Variants in NWD2 observed in about 807,000 individuals in gnomAD.
NWD2 encodes NACHT and WD repeat domain containing 2.
NWD2 carries 37 observed loss-of-function variants against 132.7 expected under a neutral mutation model. That is an observed-to-expected ratio of 0.28 (90% CI 0.21 to 0.37). The LOEUF is 0.37. Among genes scored for constraint, NWD2 ranks in the 10% least tolerant of loss-of-function variants. The probability of loss-of-function intolerance (pLI) is 1.00; values close to 1 mark genes in which losing one functional copy is unlikely to be tolerated. For synonymous variants in NWD2, 705 were observed against 803.0 expected, an observed-to-expected ratio of 0.88 and a Z score of 2.06; for missense variants, 1,592 against 2,122.4, an observed-to-expected ratio of 0.75 and a Z score of 4.91.
intron 4 of NWD2, among the ~76,000 whole-genome samples, 180 bp from the exon 5 acceptor site, chr4:37,433,696 C>G (rs1299889954): frequency 6.6e-6 from 1 of 152,170 alleles, no homozygotes; most frequent in Non-Finnish European, 1.5e-5. Flanking sequence ...AGTTCACATG[C>G]AACACAGAAA....
At chr4:37,423,511 A>G (rs968496152) in intron 3 of NWD2, among the ~76,000 whole-genome samples, 2 of 152,190 alleles carry the variant, frequency 1.3e-5, no homozygotes, top group Non-Finnish European at 2.9e-5. Flanking sequence ...AAGGCCAAAG[A>G]AACAGGAGTG....
chr4:37,245,556 T>G (rs1387138043), intron 1 of NWD2, among the ~76,000 whole-genome samples: 1 of 151,756 alleles, frequency 6.6e-6, no homozygotes, highest in African/African-American at 2.4e-5. Context: ...GCCCTTTTTT[T>G]TTTTTTTAAA....
chr4:37,401,946 C>T (rs1720905505), intron 3 of NWD2, among the ~76,000 whole-genome samples: 1 of 152,224 alleles, frequency 6.6e-6, no homozygotes. Context: ...CTCCCAAATT[C>T]ATGCTGAAAT....
chr4:37,332,507 C>T (rs1719315587), intron 2 of NWD2, among the ~76,000 whole-genome samples: 1 of 149,282 alleles, frequency 6.7e-6, no homozygotes, highest in South Asian at 2.1e-4. Flanking sequence ...CACTTGCTGA[C>T]TAAAGAGCCA....
Position 37,446,643 on chromosome 4 carries a change from A to G in NWD2, c.4655A>G (p.Asp1552Gly). Residue 1552 changes from aspartate to glycine, a missense_variant, in exon 7 of 7, where the codon GAT becomes GGT. Around this residue, in one of 7 missense-constraint regions of NWD2, gnomAD observed 257 missense variants for 335.0 expected, o/e 0.77. Coordinates refer to ENST00000309447, the MANE Select transcript of NWD2 (RefSeq NM_001144990.2). The surrounding 1 kb of genome is among the most constrained non-coding windows in gnomAD (Gnocchi z 6.7). ...GGAGATGAAAACATCAATGTGCTAGATTTATACAGTGGTAAATTGCGGGTG... is the reference window on the plus strand; with the variant it reads ...GGAGATGAAAACATCAATGTGCTAGGTTTATACAGTGGTAAATTGCGGGTG... ...ARGDENINVLDLYSGKLRVVH... is the reference protein window; with the variant it reads ...ARGDENINVLGLYSGKLRVVH... 1.3e-6 allele frequency: 2 copies of G among 1,551,510 alleles called. No individual in the cohort carries two copies. Among genetic ancestry groups the G allele is most frequent in the South Asian group, 2.4e-5 (2 of 84,040 alleles).
intron 3 of NWD2, among the ~76,000 whole-genome samples, chr4:37,380,479 A>G (rs1369941558): frequency 2.0e-5 from 3 of 152,232 alleles, no homozygotes; most frequent in Admixed American, 6.5e-5. Context: ...TAAAGTTTGA[A>G]TAATATTAAA....
chr4:37,447,822 T>C lies in NWD2; in HGVS notation c.*605T>C, dbSNP rs1474375240. ...GACTGGGACAAGAACTAACTACCAC[T>C]ATCATAGGGCTACTGAACATGGAGA... On this transcript the variant is annotated 3_prime_UTR_variant, in exon 7 of 7. Coordinates refer to ENST00000309447, the MANE Select transcript of NWD2 (RefSeq NM_001144990.2). 1 of 152,692 alleles carries C rather than the reference T, an allele frequency of 6.5e-6. No individual in the cohort carries two copies. Among genetic ancestry groups the C allele is most frequent in the Non-Finnish European group, 1.5e-5 (1 of 68,408 alleles). 9.5% of individuals were successfully genotyped at this position (152,692 alleles called of 1,614,324 possible).
intron 2 of NWD2, among the ~76,000 whole-genome samples, chr4:37,344,444 G>A (rs1039786939): frequency 6.6e-6 from 1 of 152,082 alleles, no homozygotes; most frequent in African/African-American, 2.4e-5. Flanking sequence ...AGTTACTGAA[G>A]TAAGAAGACA....
At chr4:37,250,367 A>C (rs538639593) in intron 1 of NWD2, among the ~76,000 whole-genome samples, 66 of 152,332 alleles carry the variant, frequency 4.3e-4, no homozygotes, top group Non-Finnish European at 8.2e-4. Flanking sequence ...AGATACAGAT[A>C]TTTATAGCTA....
At position 37,437,578 on chromosome 4, in the gene NWD2, G is replaced by A. The variant is rs574292580; in HGVS notation, c.707-1223G>A. Among the ~76,000 whole-genome samples the A allele has an allele frequency of 2.0e-3, 303 of 152,238 alleles. 2 individuals carry two copies. The highest frequency in any genetic ancestry group is 6.9e-3 in the African/African-American group (287 of 41,540). On this transcript the variant is annotated intron_variant, in intron 5 of 6. Coordinates refer to ENST00000309447, the MANE Select transcript of NWD2 (RefSeq NM_001144990.2). ...TCCTAAGCGGCTGTCATCGTGCCTG[G>A]AATATAAAAGGTGTTCAATGAAGAG...
chr4:37,305,605 C>T (rs552604851), intron 1 of NWD2, among the ~76,000 whole-genome samples: 1 of 152,254 alleles, frequency 6.6e-6, no homozygotes, highest in Admixed American at 6.5e-5. Flanking sequence ...AGTCTTTCAT[C>T]TGTTGATGTA....
chr4:37,302,262 T>A (rs533720411), intron 1 of NWD2, among the ~76,000 whole-genome samples: 1 of 152,162 alleles, frequency 6.6e-6, no homozygotes, highest in South Asian at 2.1e-4. Flanking sequence ...TCCTCCAGGC[T>A]CACTCATGTT....
chr4:37,333,087 G>A lies in NWD2; in HGVS notation c.240+7063G>A, dbSNP rs114433269. ...TCAGCCACAGTAGAATAGAAGATCA[G>A]GTAGAATTCTGAGGTTTCCAACTCC... On this transcript the variant is annotated intron_variant, in intron 2 of 6. Transcript: ENST00000309447. 2.0e-3 allele frequency among the ~76,000 whole-genome samples: 309 copies of A among 152,268 alleles called. 2 individuals are homozygous for A. Among genetic ancestry groups the A allele is most frequent in the African/African-American group, 7.0e-3 (289 of 41,552 alleles).
chr4:37,267,528 G>A (rs1291810977), intron 1 of NWD2, among the ~76,000 whole-genome samples: 1 of 151,592 alleles, frequency 6.6e-6, no homozygotes, highest in Non-Finnish European at 1.5e-5. Context: ...TTTAGCAAAT[G>A]TAACATTTTT....
chr4:37,374,980 G>A (rs1720315590), intron 3 of NWD2, among the ~76,000 whole-genome samples: 1 of 152,196 alleles, frequency 6.6e-6, no homozygotes, highest in South Asian at 2.1e-4. Flanking sequence ...TGGTAACAAA[G>A]TTGTAACCAA....
At chr4:37,309,891 T>C (rs971982550) in intron 1 of NWD2, among the ~76,000 whole-genome samples, 1 of 152,248 alleles carries the variant, frequency 6.6e-6, no homozygotes, top group African/African-American at 2.4e-5. Flanking sequence ...CATGTAGTTA[T>C]CTGCTTATCA....
chr4:37,362,286 C>T (rs187746717), intron 3 of NWD2, among the ~76,000 whole-genome samples: 15 of 152,228 alleles, frequency 9.9e-5, no homozygotes, highest in East Asian at 5.8e-4. Flanking sequence ...AAACTACCAA[C>T]GTCATTTTTC....
chr4:37,376,874 T>C (rs1720358453), intron 3 of NWD2, among the ~76,000 whole-genome samples: 1 of 152,158 alleles, frequency 6.6e-6, no homozygotes, highest in Non-Finnish European at 1.5e-5. Context: ...CAGGAGGAAT[T>C]TTTATCTTTG....
intron 2 of NWD2, among the ~76,000 whole-genome samples, chr4:37,342,883 G>C (rs375394828): frequency 6.6e-5 from 10 of 152,092 alleles, no homozygotes; most frequent in African/African-American, 2.4e-4. Flanking sequence ...ATGACACCAG[G>C]CCAGTCAGTC....
Sources: gnomAD v4.1 joint callset for allele counts (sites outside exome capture counted in the v4.1 genomes callset) on GRCh38, gnomAD v4.1.1 for gene constraint, gnomAD v4.1.1 regional missense constraint, Gnocchi (gnomAD v3.1) non-coding constraint, MANE v1.5 for transcripts, NCBI Gene and HGNC (gene_info 2026-07-23, HGNC 2026-07-21) for gene names.